Variants in MDN1 observed in about 807,000 individuals in gnomAD.
MDN1 encodes the protein midasin AAA ATPase 1.
In MDN1, 266 loss-of-function variants were observed where a neutral mutation model predicts 669.2. The ratio of observed to expected loss-of-function variants is 0.40; its 90% CI spans 0.36 to 0.44. The LOEUF (loss-of-function observed/expected upper bound fraction) is 0.44, where lower values mean the gene tolerates loss of function less well. MDN1 is among the 20% of genes least tolerant of loss of function. The pLI, the probability that MDN1 is intolerant of heterozygous loss-of-function variation, is 1.00. For missense variants in MDN1, 5,940 were observed against 6,754.0 expected, an observed-to-expected ratio of 0.88 and a Z score of 4.22; for synonymous variants, 2,385 against 2,457.1, an observed-to-expected ratio of 0.97 and a Z score of 0.87.
At position 89,712,783 on chromosome 6, in the gene MDN1, C is replaced by T. The variant is rs779076842; in HGVS notation, c.7222G>A (p.Val2408Ile). The change falls in exon 48 of 102, where the codon GTA becomes ATA. Residue 2408 changes from valine to isoleucine, a missense_variant. Val to Ile is a conservative substitution (Grantham distance 29). Transcript: ENST00000369393. ...SQHSPANRKLVQALLEKHVSS... is the reference protein window; with the variant it reads ...SQHSPANRKLIQALLEKHVSS... ...ACATGTTTCTCCAGTAAAGCCTGTA[C>T]AAGCTGGTAGGAGACAAAAACACAA... The T allele has an allele frequency of 9.9e-6, 16 of 1,613,994 alleles. No individual in the cohort carries two copies. Among genetic ancestry groups the T allele is most frequent in the Non-Finnish European group, 1.4e-5 (16 of 1,179,926 alleles).
intron 15 of MDN1, among the ~76,000 whole-genome samples, chr6:89,771,129 T>A (rs1256535000): frequency 6.6e-6 from 1 of 152,158 alleles, no homozygotes; most frequent in Non-Finnish European, 1.5e-5. Context: ...AACTCACACC[T>A]TAAATCTTAC....
At chr6:89,730,459 T>A (rs1815516102) in intron 35 of MDN1, among the ~76,000 whole-genome samples, 1 of 152,210 alleles carries the variant, frequency 6.6e-6, no homozygotes, top group Non-Finnish European at 1.5e-5. Flanking sequence ...TATAGGAAAG[T>A]TCCTAATGTG....
At chr6:89,712,878 C>A in intron 47 of MDN1, 92 bp from the exon 48 acceptor site, 1 of 1,144,882 alleles carries the variant, frequency 8.7e-7, no homozygotes. Flanking sequence ...ATGCGACCAC[C>A]TCACAACAAC....
chr6:89,803,292 T>C (rs1767783474), intron 2 of MDN1, 36 bp downstream of exon 2: 1 of 1,580,354 alleles, frequency 6.3e-7, no homozygotes. Context: ...TTCTATCACC[T>C]CAAGGAGAAA....
intron 49 of MDN1, among the ~76,000 whole-genome samples, 153 bp downstream of exon 49, chr6:89,711,883 T>C (rs920877819): frequency 2.6e-5 from 4 of 152,162 alleles, no homozygotes; most frequent in Non-Finnish European, 5.9e-5. Flanking sequence ...ACTTGCTCCT[T>C]AACAGTAATG....
rs145120230 is a variant in MDN1 at position 89,664,582 on chromosome 6, G to C, written c.14141C>G (p.Pro4714Arg). The change falls in exon 85 of 102, where the codon CCT becomes CGT. Residue 4714 changes from proline to arginine, a missense_variant. Pro to Arg is a moderately radical substitution (Grantham distance 103). This residue lies in a region of MDN1 where 2,280 missense variants were observed against 2,576.3 expected (regional missense o/e 0.88). Transcript: ENST00000369393. ...GCCCTTAATATCAGATTTTGAATCA[G>C]GATCCTCTTTGTCTTTTTCTTGACC... ...QKGQEKDKED[P>R]DSKSDIKGED... The C allele has an allele frequency of 1.2e-6, 2 of 1,613,286 alleles. No homozygotes were observed. The highest frequency in any genetic ancestry group is 1.7e-6 in the Non-Finnish European group (2 of 1,179,456).
At chr6:89,799,422 C>T (rs112527288) in intron 2 of MDN1, among the ~76,000 whole-genome samples, 16,905 of 152,318 alleles carry the variant, frequency 0.11, 1,050 homozygotes, top group South Asian at 0.16. Flanking sequence ...CAGTGGCTCA[C>T]GCCTGCAATC....
intron 1 of MDN1, chr6:89,815,305 C>A: frequency 2.1e-6 from 1 of 479,704 alleles, no homozygotes. Context: ...AGGAATTCGG[C>A]ATCTCCAGAA....
chr6:89,710,420 A>G (rs942464560), intron 50 of MDN1, among the ~76,000 whole-genome samples: 3 of 152,030 alleles, frequency 2.0e-5, no homozygotes, highest in African/African-American at 7.2e-5. Context: ...TCTAGTCCCA[A>G]CAGTTTGGGA....
intron 1 of MDN1, among the ~76,000 whole-genome samples, chr6:89,809,612 C>T (rs565709127): frequency 6.6e-6 from 1 of 151,804 alleles, no homozygotes; most frequent in South Asian, 2.1e-4. Context: ...CCCATCTCTA[C>T]TAAAGGCACA....
intron 8 of MDN1, among the ~76,000 whole-genome samples, chr6:89,787,183 T>C (rs1819011150): frequency 6.6e-6 from 1 of 152,100 alleles, no homozygotes; most frequent in South Asian, 2.1e-4. Flanking sequence ...TAAACACTAA[T>C]ATAATCATTA....
In MDN1 at chr6:89,699,632, C is replaced by T. The variant is rs61995679; in HGVS notation, c.8966G>A (p.Arg2989Gln). The T allele has an allele frequency of 7.3e-5, 118 of 1,613,784 alleles. No individual in the cohort carries two copies. In the African/African-American group the frequency reaches 1.0e-3, roughly 14 times the overall value. Residue 2989 changes from arginine (R) to glutamine (Q), a missense_variant, in exon 58 of 102, where the codon CGA (arginine) becomes CAA (glutamine). Around this residue, in one of 5 missense-constraint regions of MDN1, gnomAD observed 2,292 missense variants for 2,638.3 expected, o/e 0.87. Coordinates refer to ENST00000369393, the MANE Select transcript of MDN1 (RefSeq NM_014611.3). ...YHTPVTPQELRDLWSLLHHQK... is the reference protein window; with the variant it reads ...YHTPVTPQELQDLWSLLHHQK... Reference sequence around the variant, plus strand: ...ATGATGCAGCAAGGACCACAGATCTCGAAGCTCTTGAGGTGTAACAGGTGT... The same window carrying T: ...ATGATGCAGCAAGGACCACAGATCTTGAAGCTCTTGAGGTGTAACAGGTGT...
At chr6:89,670,803 A>G (rs953376795) in intron 83 of MDN1, 116 bp downstream of exon 83, 47 of 1,206,130 alleles carry the variant, frequency 3.9e-5, no homozygotes, top group Non-Finnish European at 4.5e-5. Context: ...GGGAGAGCAA[A>G]TCACATCCTG....
At chr6:89,676,538 G>A (rs1811203554) in intron 76 of MDN1, among the ~76,000 whole-genome samples, 1 of 152,170 alleles carries the variant, frequency 6.6e-6, no homozygotes, top group African/African-American at 2.4e-5. Flanking sequence ...AGCATACAAT[G>A]ATGCATGGCA....
chr6:89,735,637 A>G lies in MDN1; in HGVS notation c.4723+2689T>C, dbSNP rs192073447. ...ACTAGAGAAATTAAGTAGAACCCAC[A>G]GTGGTATTTATATACTCATTAAGAT... is the stretch of plus-strand genomic sequence containing the variant. On this transcript the variant is annotated intron_variant, in intron 33 of 101. Coordinates refer to ENST00000369393, the MANE Select transcript of MDN1 (RefSeq NM_014611.3). 1.4e-3 allele frequency among the ~76,000 whole-genome samples: 206 copies of G among 152,324 alleles called. 3 individuals are homozygous for G. The highest frequency in any genetic ancestry group is 4.5e-3 in the African/African-American group (189 of 41,574).
At chr6:89,729,677 GTTTTTT>G (rs35914010) in intron 35 of MDN1, among the ~76,000 whole-genome samples, 7 of 100,758 alleles carry the variant, frequency 6.9e-5, no homozygotes, top group Admixed American at 2.4e-4. Context: ...TTTTGTTTTC[GTTTTTT>G]TTTTTTTTTT....
rs747114646 is a variant in MDN1, at chr6:89,696,553, G to A, written c.9190C>T (p.Pro3064Ser). The change falls in exon 60 of 102, where the codon CCC becomes TCC. Residue 3064 changes from proline (P) to serine (S), a missense_variant. Pro to Ser is a moderately conservative substitution (Grantham distance 74). This residue lies in a region of MDN1 where 2,292 missense variants were observed against 2,638.3 expected (regional missense o/e 0.87). Coordinates refer to ENST00000369393, the MANE Select transcript of MDN1 (RefSeq NM_014611.3). ...TCAAAGCAGCACTTAGAGAATATGG[G>A]TCTATTGAGATTGCCGGGGCCCTAA... ...TLKGPGNLNR[P>S]IFSKCCFEVL... The A allele has an allele frequency of 6.8e-6, 11 of 1,613,872 alleles. No individual in the cohort carries two copies. Among genetic ancestry groups the A allele is most frequent in the Non-Finnish European group, 9.3e-6 (11 of 1,179,908 alleles).
At chr6:89,806,360 C>T (rs1000746515) in intron 1 of MDN1, among the ~76,000 whole-genome samples, 11 of 151,892 alleles carry the variant, frequency 7.2e-5, no homozygotes, top group Non-Finnish European at 1.5e-4. Flanking sequence ...GCCAGGAGTT[C>T]GAGACCAACC....
intron 20 of MDN1, 125 bp from the exon 21 acceptor site, chr6:89,754,355 G>T: frequency 2.2e-6 from 2 of 905,152 alleles, no homozygotes; most frequent in South Asian, 1.9e-5. Flanking sequence ...ACTTCCTGGG[G>T]CATGCATCAA....
Sources: gnomAD v4.1 joint callset for allele counts (sites outside exome capture counted in the v4.1 genomes callset) on GRCh38, gnomAD v4.1.1 for gene constraint, gnomAD v4.1.1 regional missense constraint, MANE v1.5 for transcripts, NCBI Gene and HGNC (gene_info 2026-07-23, HGNC 2026-07-21) for gene names.